The following BSPRY variants were observed in gnomAD, a reference collection of about 807,000 sequenced individuals.
BSPRY encodes B box and SPRY domain-containing protein.
Under a neutral mutation model 38.0 loss-of-function variants are expected in BSPRY, and 33 were observed. That is an observed-to-expected ratio of 0.87 (90% CI 0.66 to 1.16). The LOEUF (loss-of-function observed/expected upper bound fraction) is 1.16, where lower values mean the gene tolerates loss of function less well. Among genes scored for constraint, BSPRY ranks in the 50% most tolerant of loss-of-function variants. The pLI is 0.00. For missense variants in BSPRY, 523 were observed against 533.2 expected (o/e 0.98, Z 0.19); for synonymous variants, 224 against 228.5 (o/e 0.98, Z 0.18).
chr9:113,365,204 T>C (rs1417912152), intron 4 of BSPRY, among the ~76,000 whole-genome samples: 1 of 152,228 alleles, frequency 6.6e-6, no homozygotes, highest in African/African-American at 2.4e-5. Flanking sequence ...CTTTTCCTTT[T>C]ATAATTAATA....
chr9:113,369,970 G>T lies in BSPRY; in HGVS notation c.1037G>T (p.Gly346Val). 1 of 1,614,136 alleles carries T rather than the reference G, an allele frequency of 6.2e-7. No individual in the cohort carries two copies. Among genetic ancestry groups the T allele is most frequent in the East Asian group, 2.2e-5 (1 of 44,886 alleles). ...FSHNGQHEPL[G>V]LLRGPAQLGV... The stretch of plus-strand genomic sequence containing the variant: ...CACAATGGGCAGCACGAGCCCCTGG[G>T]GCTGCTGCGGGGCCCAGCCCAGCTG... Residue 346 changes from glycine (G) to valine (V), a missense_variant, in exon 6 of 6, where the codon GGG becomes GTG. By Grantham distance (109) the Gly-to-Val change is moderately radical (BLOSUM62 -3). Transcript: ENST00000374183.
At chr9:113,356,695 C>T (rs1212146385) in intron 2 of BSPRY, among the ~76,000 whole-genome samples, 2 of 152,068 alleles carry the variant, frequency 1.3e-5, no homozygotes, top group Non-Finnish European at 2.9e-5. Context: ...GAAGAGGCAA[C>T]AGGATTTGCT....
At chr9:113,363,578 GGTT>G (rs1187498473) in intron 4 of BSPRY, among the ~76,000 whole-genome samples, 1 of 151,906 alleles carries the variant, frequency 6.6e-6, no homozygotes, top group Non-Finnish European at 1.5e-5. Context: ...GCGGTTTTTT[GGTT>G]GTTGTCTTAA....
chr9:113,354,351 C>G lies in BSPRY; in HGVS notation c.300+13C>G, dbSNP rs1376437633. 1.2e-6 allele frequency: 2 copies of G among 1,607,028 alleles called. No homozygotes were observed. Among genetic ancestry groups the G allele is most frequent in the African/African-American group, 2.7e-5 (2 of 74,748 alleles). On this transcript the variant is annotated intron_variant, in intron 2 of 5. Transcript: ENST00000374183. ...TCAAAGAGCAGTGGTAATTCCTCTT[C>G]TTTCCTCTCTACTCAGCCCCCTCCC...
Position 113,349,605 on chromosome 9 carries a change from G to A in BSPRY, c.26G>A (p.Gly9Glu), listed in dbSNP as rs1183943062. The A allele has an allele frequency of 1.7e-6, 2 of 1,189,548 alleles. No homozygotes were observed. The highest frequency in any genetic ancestry group is 4.5e-5 in the Admixed American group (1 of 22,092). The allele number at this position is 1,189,548 out of a possible 1,614,324, so 73.7% of individuals were successfully genotyped here. ...ATGTCCGCCGAGGGCGCGGAGCCGG[G>A]GCCGGGGTCCGGGTCCGGGCCCGGG... is the stretch of plus-strand genomic sequence containing the variant. The part of the protein sequence containing the change: MSAEGAEP[G>E]PGSGSGPGPG... Residue 9 changes from glycine to glutamate, a missense_variant, in exon 1 of 6, where the codon GGG (glycine) becomes GAG (glutamate). Transcript: ENST00000374183.
chr9:113,349,885 C>T (rs774104418), intron 1 of BSPRY, 105 bp downstream of exon 1: 322 of 1,181,248 alleles, frequency 2.7e-4, no homozygotes, highest in Non-Finnish European at 3.3e-4. Context: ...GACTCGACAC[C>T]CGGCCCCGGA....
intron 1 of BSPRY, 50 bp downstream of exon 1, chr9:113,349,830 C>G: frequency 8.3e-7 from 1 of 1,209,636 alleles, no homozygotes; most frequent in East Asian, 3.4e-5. Context: ...ACCCCGGGCG[C>G]GCCTGGCGGG....
rs1834342118 is a variant in BSPRY, at chr9:113,371,003, T to C, written c.*861T>C. On this transcript the variant is annotated 3_prime_UTR_variant, in exon 6 of 6. Coordinates refer to ENST00000374183, the MANE Select transcript of BSPRY (RefSeq NM_017688.3). ...AGGACCAGGGGATCATGTCTCCAGG[T>C]AACCCGACTGTAGCCCCTGCTGGCT... is the stretch of plus-strand genomic sequence containing the variant. The C allele has an allele frequency of 6.6e-6, 1 of 152,256 alleles. No individual in the cohort carries two copies. The highest frequency in any genetic ancestry group is 2.1e-4 in the South Asian group (1 of 4,832). The allele number at this position is 152,256 out of a possible 1,614,324, so 9.4% of individuals were successfully genotyped here.
intron 1 of BSPRY, among the ~76,000 whole-genome samples, chr9:113,350,490 C>T (rs1383330223): frequency 6.6e-6 from 1 of 152,142 alleles, no homozygotes; most frequent in Non-Finnish European, 1.5e-5. Context: ...ACTTCCAGCT[C>T]GGCTCCAGGG....
Position 113,360,800 on chromosome 9 carries a change from C to T in BSPRY, c.531+63C>T, listed in dbSNP as rs1032202106. 7.2e-5 allele frequency: 96 copies of T among 1,337,718 alleles called. No homozygotes were observed. The African/African-American group carries it at 9.3e-4, about 13-fold the overall frequency. 82.9% of individuals were successfully genotyped at this position (1,337,718 alleles called of 1,614,324 possible). ...AGGCTCCCCAAAAGCCTGAAAATAT[C>T]GAGAATGTTTGTCGGTATGAGGAGG... is the stretch of plus-strand genomic sequence containing the variant. On this transcript the variant is annotated intron_variant, in intron 3 of 5. Coordinates refer to ENST00000374183, the MANE Select transcript of BSPRY (RefSeq NM_017688.3).
intron 3 of BSPRY, among the ~76,000 whole-genome samples, chr9:113,361,441 G>A (rs1458253248): frequency 2.0e-5 from 3 of 152,186 alleles, no homozygotes; most frequent in Non-Finnish European, 2.9e-5. Context: ...GCAGAGTAAC[G>A]AGATGCAGCT....
At chr9:113,360,859 C>CA in intron 3 of BSPRY, 122 bp downstream of exon 3, 1 of 876,080 alleles carries the variant, frequency 1.1e-6, no homozygotes, top group South Asian at 1.7e-5. Flanking sequence ...GGATGAGTGA[C>CA]AAAGATTCTT....
chr9:113,363,746 T>C (rs7031677), intron 4 of BSPRY, among the ~76,000 whole-genome samples: 58,942 of 150,636 alleles, frequency 0.39, 13,263 homozygotes, highest in African/African-American at 0.63. Context: ...GGTGTGGTGG[T>C]GTGTGCCTGT....
intron 3 of BSPRY, among the ~76,000 whole-genome samples, chr9:113,361,915 C>T (rs1834158943): frequency 6.6e-6 from 1 of 152,238 alleles, no homozygotes; most frequent in Non-Finnish European, 1.5e-5. Context: ...CCCACTGCCT[C>T]TGCAAGTAGG....
intron 2 of BSPRY, among the ~76,000 whole-genome samples, chr9:113,359,946 A>G (rs1834121754): frequency 6.6e-6 from 1 of 152,204 alleles, no homozygotes; most frequent in African/African-American, 2.4e-5. Flanking sequence ...GCACTGTGCT[A>G]AGAATTACAA....
chr9:113,354,409 AGTCTAGG>A, intron 2 of BSPRY, 71 bp downstream of exon 2: 1 of 1,283,552 alleles, frequency 7.8e-7, no homozygotes, highest in Non-Finnish European at 1.1e-6. Context: ...GACTTGGGCA[AGTCTAGG>A]GTCCCTTACC....
At chr9:113,364,835 T>G (rs965750197) in intron 4 of BSPRY, among the ~76,000 whole-genome samples, 1 of 152,204 alleles carries the variant, frequency 6.6e-6, no homozygotes, top group South Asian at 2.1e-4. Context: ...TACTATAATC[T>G]AATACACAGT....
intron 2 of BSPRY, among the ~76,000 whole-genome samples, chr9:113,358,987 C>T (rs1322679938): frequency 6.6e-6 from 1 of 151,914 alleles, no homozygotes; most frequent in Admixed American, 6.6e-5. Context: ...ATGATTGTGC[C>T]ACTGCATTTC....
At chr9:113,363,907 A>G (rs531186983) in intron 4 of BSPRY, among the ~76,000 whole-genome samples, 1 of 134,290 alleles carries the variant, frequency 7.4e-6, no homozygotes, top group Non-Finnish European at 1.6e-5. Flanking sequence ...AAAAAAAAAA[A>G]GCTGGGCGTG....
Sources: allele counts gnomAD v4.1 joint callset (sites outside exome capture counted in the v4.1 genomes callset), GRCh38; gene constraint gnomAD v4.1.1; transcripts MANE v1.5; gene names NCBI Gene and HGNC (gene_info 2026-07-23, HGNC 2026-07-21).